FOXP2: variants seen among roughly 807,000 people sequenced by gnomAD.
FOXP2 encodes the protein forkhead box P2.
In FOXP2, 12 loss-of-function variants were observed where a neutral mutation model predicts 115.8. The observed-to-expected ratio is 0.10, with a 90% confidence interval of 0.07 to 0.17. FOXP2 has a LOEUF of 0.17. Ranked by LOEUF, FOXP2 falls within the 10% of genes least tolerant of loss-of-function variation. FOXP2 has a pLI of 1.00. For synonymous variants in FOXP2, 328 were observed against 297.7 expected (o/e 1.10, Z -1.05); for missense variants, 629 against 843.5 (o/e 0.75, Z 3.15).
At chr7:114,614,644 A>G (rs1402860783) in intron 3 of FOXP2, among the ~76,000 whole-genome samples, 2 of 152,246 alleles carry the variant, frequency 1.3e-5, no homozygotes, top group East Asian at 1.9e-4. Flanking sequence ...TATTTATTAT[A>G]TCTAATGGCA....
intron 2 of FOXP2, among the ~76,000 whole-genome samples, chr7:114,288,687 T>C (rs1006165225): frequency 2.0e-5 from 3 of 151,824 alleles, no homozygotes; most frequent in Non-Finnish European, 2.9e-5. Context: ...TTCTTTGATA[T>C]GTACAATGTT....
rs968758468 is a variant in FOXP2, at chr7:114,691,233, G to A, written c.*1307G>A. 7 of 453,550 alleles carry A rather than the reference G, an allele frequency of 1.5e-5. No homozygotes were observed. Among genetic ancestry groups the A allele is most frequent in the Non-Finnish European group, 3.1e-5 (7 of 226,696 alleles). The allele number at this position is 453,550 out of a possible 1,614,324, so 28.1% of individuals were successfully genotyped here. A position where few individuals can be genotyped will look rare whatever the true frequency, so the allele number is the denominator to read the frequency against. The stretch of plus-strand genomic sequence containing the variant: ...GATGTCTTGTATGGTCTTAATCTTT[G>A]TTGTGTACTATTTTTTTATAGTCTT... On this transcript the variant is annotated 3_prime_UTR_variant, in exon 17 of 17. Transcript: ENST00000350908.
chr7:114,422,590 A>G (rs1381886251), intron 1 of FOXP2, among the ~76,000 whole-genome samples: 1 of 151,644 alleles, frequency 6.6e-6, no homozygotes, highest in Non-Finnish European at 1.5e-5. Flanking sequence ...AGTGGAAAAG[A>G]GATAGGGAGC....
chr7:114,381,156 C>T (rs1792282083), intron 2 of FOXP2, among the ~76,000 whole-genome samples: 1 of 152,194 alleles, frequency 6.6e-6, no homozygotes, highest in Non-Finnish European at 1.5e-5. Context: ...GCCAAGGAAC[C>T]TTCTTAGTTG....
At chr7:114,477,487 A>T (rs1036299264) in intron 2 of FOXP2, among the ~76,000 whole-genome samples, 1 of 151,886 alleles carries the variant, frequency 6.6e-6, no homozygotes, top group Non-Finnish European at 1.5e-5. Flanking sequence ...ACTGGGGACT[A>T]CTAGAGCGAG....
At chr7:114,335,859 A>G (rs897201775) in intron 2 of FOXP2, among the ~76,000 whole-genome samples, 1 of 151,670 alleles carries the variant, frequency 6.6e-6, no homozygotes, top group African/African-American at 2.4e-5. Flanking sequence ...AGAGTACAAT[A>G]ATTTTCTATT....
intron 2 of FOXP2, among the ~76,000 whole-genome samples, chr7:114,331,160 T>G (rs1051613314): frequency 6.6e-6 from 1 of 152,166 alleles, no homozygotes; most frequent in Non-Finnish European, 1.5e-5. Context: ...TTTTGATAAA[T>G]AAGACAAATA....
chr7:114,637,667 ATAAGT>A (rs1563051120), intron 6 of FOXP2, among the ~76,000 whole-genome samples: 2 of 152,194 alleles, frequency 1.3e-5, no homozygotes, highest in East Asian at 1.9e-4. Flanking sequence ...CAGATGATAA[ATAAGT>A]TAAGTAAAAT....
chr7:114,384,573 G>C (rs1792394039), intron 2 of FOXP2, among the ~76,000 whole-genome samples: 1 of 152,094 alleles, frequency 6.6e-6, no homozygotes, highest in African/African-American at 2.4e-5. Flanking sequence ...GTCATGAAGG[G>C]AGTTCCTCCT....
chr7:114,600,119 A>G (rs866478260), intron 3 of FOXP2, among the ~76,000 whole-genome samples: 3 of 152,286 alleles, frequency 2.0e-5, no homozygotes, highest in Middle Eastern at 3.4e-3. Context: ...TCATATATCT[A>G]CCATTACAGG....
intron 1 of FOXP2, among the ~76,000 whole-genome samples, chr7:114,423,434 C>T (rs1260500300): frequency 2.6e-5 from 4 of 151,502 alleles, no homozygotes; most frequent in Non-Finnish European, 4.4e-5. Context: ...CTAACTGTAT[C>T]GTTTGAGTGT....
At chr7:114,405,894 A>T (rs756698135) in intron 2 of FOXP2, among the ~76,000 whole-genome samples, 3 of 151,852 alleles carry the variant, frequency 2.0e-5, no homozygotes, top group Non-Finnish European at 4.4e-5. Flanking sequence ...ATCATGTGAT[A>T]CCTGTATAGT....
intron 6 of FOXP2, among the ~76,000 whole-genome samples, chr7:114,634,119 C>T (rs547124101): frequency 6.6e-6 from 1 of 152,102 alleles, no homozygotes; most frequent in South Asian, 2.1e-4. Context: ...CCTCAGCTTT[C>T]CGAGTAGCTG....
chr7:114,428,136 T>C (rs1793947033), intron 2 of FOXP2, among the ~76,000 whole-genome samples: 1 of 151,612 alleles, frequency 6.6e-6, no homozygotes, highest in African/African-American at 2.4e-5. Flanking sequence ...TAAGTATTTT[T>C]AGCCAGATTC....
At chr7:114,685,045 A>G (rs1487441185) in intron 16 of FOXP2, among the ~76,000 whole-genome samples, 1 of 152,068 alleles carries the variant, frequency 6.6e-6, no homozygotes, top group Non-Finnish European at 1.5e-5. Context: ...AACACTGATA[A>G]ACATCTCTTA....
chr7:114,212,080 A>AAAAT (rs1794368415), intron 1 of FOXP2, among the ~76,000 whole-genome samples: 1 of 26,278 alleles, frequency 3.8e-5, no homozygotes, highest in Non-Finnish European at 9.5e-5. Flanking sequence ...AAAAATAAAT[A>AAAAT]AAATAAAATA....
intron 1 of FOXP2, among the ~76,000 whole-genome samples, chr7:114,273,525 C>T (rs1796115974): frequency 6.6e-6 from 1 of 151,832 alleles, no homozygotes; most frequent in Non-Finnish European, 1.5e-5. Context: ...ATAGATCTGC[C>T]CATTTTTGAT....
At chr7:114,575,078 T>C (rs1364537064) in intron 3 of FOXP2, among the ~76,000 whole-genome samples, 1 of 151,892 alleles carries the variant, frequency 6.6e-6, no homozygotes, top group Non-Finnish European at 1.5e-5. Context: ...CATCTCTCTC[T>C]TGAGGCTTTA....
intron 3 of FOXP2, among the ~76,000 whole-genome samples, chr7:114,541,637 A>T (rs1324693212): frequency 6.6e-6 from 1 of 151,906 alleles, no homozygotes; most frequent in Non-Finnish European, 1.5e-5. Flanking sequence ...ATAAATAGAA[A>T]ATAGGGAATT....
Sources: allele counts gnomAD v4.1 joint callset (sites outside exome capture counted in the v4.1 genomes callset), GRCh38; gene constraint gnomAD v4.1.1; transcripts MANE v1.5; gene names NCBI Gene and HGNC (gene_info 2026-07-23, HGNC 2026-07-21).